RBFOX1: variants seen among roughly 807,000 people sequenced by gnomAD.
The protein encoded by RBFOX1 is RNA binding fox-1 homolog 1.
A neutral mutation model predicts 57.7 loss-of-function variants in RBFOX1; 8 were observed. The ratio of observed to expected loss-of-function variants is 0.14; its 90% CI spans 0.08 to 0.25. The LOEUF is 0.25. Ranked by LOEUF, RBFOX1 falls within the 10% of genes least tolerant of loss-of-function variation. RBFOX1 has a pLI of 1.00. For synonymous variants in RBFOX1, 326 were observed against 222.4 expected, an observed-to-expected ratio of 1.47 and a Z score of -4.15; for missense variants, 611 against 548.5, an observed-to-expected ratio of 1.11 and a Z score of -1.14.
At chr16:7,649,074 C>A (rs1339206358) in intron 11 of RBFOX1, among the ~76,000 whole-genome samples, 9 of 151,888 alleles carry the variant, frequency 5.9e-5, no homozygotes, top group Non-Finnish European at 1.5e-5. Context: ...GAATTCGGGG[C>A]CAGTCCACAG....
chr16:7,088,281 C>G (rs981871414), intron 4 of RBFOX1, among the ~76,000 whole-genome samples: 6 of 152,110 alleles, frequency 3.9e-5, no homozygotes, highest in Non-Finnish European at 5.9e-5. Context: ...CATTTAATTA[C>G]CAAGAATGAA....
At chr16:6,853,388 A>T (rs2094172485) in intron 3 of RBFOX1, among the ~76,000 whole-genome samples, 1 of 152,064 alleles carries the variant, frequency 6.6e-6, no homozygotes, top group Admixed American at 6.5e-5. Context: ...ATAACGTTGA[A>T]TTTTAGTTCG....
intron 2 of RBFOX1, among the ~76,000 whole-genome samples, chr16:5,574,779 A>G (rs905533685): frequency 6.6e-6 from 1 of 152,038 alleles, no homozygotes; most frequent in African/African-American, 2.4e-5. Context: ...TTCTCGGGAA[A>G]CCTGGGGGCT....
At chr16:6,589,836 G>A (rs1288972268) in intron 2 of RBFOX1, among the ~76,000 whole-genome samples, 1 of 152,188 alleles carries the variant, frequency 6.6e-6, no homozygotes, top group Non-Finnish European at 1.5e-5. Context: ...GAGGTAAGAA[G>A]CAAGATGGAG....
chr16:7,105,735 T>C (rs1035197999), intron 4 of RBFOX1, among the ~76,000 whole-genome samples: 5 of 151,774 alleles, frequency 3.3e-5, no homozygotes, highest in African/African-American at 1.2e-4. Flanking sequence ...TAGGTAGATA[T>C]ATAGATTCAG....
chr16:6,759,832 G>A (rs915000087), intron 3 of RBFOX1, among the ~76,000 whole-genome samples: 6 of 152,148 alleles, frequency 3.9e-5, no homozygotes, highest in African/African-American at 1.4e-4. Flanking sequence ...GTTTATAATA[G>A]CAAGACAGTG....
At chr16:5,791,665 CA>C (rs2054702217) in intron 3 of RBFOX1, among the ~76,000 whole-genome samples, 1 of 152,268 alleles carries the variant, frequency 6.6e-6, no homozygotes, top group African/African-American at 2.4e-5. Flanking sequence ...AATGCAAATT[CA>C]CATCTGGCTA....
intron 4 of RBFOX1, among the ~76,000 whole-genome samples, chr16:7,276,223 A>T (rs528696658): frequency 6.6e-6 from 1 of 152,252 alleles, no homozygotes; most frequent in African/African-American, 2.4e-5. Flanking sequence ...CCAGAGACTG[A>T]GCTATTTCTG....
intron 2 of RBFOX1, among the ~76,000 whole-genome samples, chr16:6,649,959 G>A (rs554518979): frequency 7.0e-4 from 106 of 152,258 alleles, no homozygotes; most frequent in Non-Finnish European, 1.2e-3. Context: ...TGTGAATTGT[G>A]CTGCTATAAA....
intron 4 of RBFOX1, among the ~76,000 whole-genome samples, chr16:7,414,905 C>T (rs750295974): frequency 7.2e-5 from 11 of 152,178 alleles, no homozygotes; most frequent in Non-Finnish European, 7.3e-5. Context: ...GGTGGTGAGC[C>T]ACGGCGCCCA....
At position 6,166,388 on chromosome 16, in the gene RBFOX1, C is replaced by T. The variant is rs889862979; in HGVS notation, c.-127+146396C>T. Among the ~76,000 whole-genome samples the T allele has an allele frequency of 2.8e-5, 4 of 141,496 alleles. No homozygotes were observed. The East Asian group carries it at 1.0e-3, about 35-fold the overall frequency. The allele number at this position is 141,496 out of a possible 152,430, so 92.8% of individuals were successfully genotyped here. A position where few individuals can be genotyped will look rare whatever the true frequency, so the allele number is the denominator to read the frequency against. On this transcript the variant is annotated intron_variant, in intron 1 of 15. Coordinates refer to ENST00000550418, the MANE Select transcript of RBFOX1 (RefSeq NM_018723.4). ...CATGGGCTCATCTAGCTTAAGGTGG[C>T]TGTATTCCTTGGGGCGGGGTTGGGG...
At chr16:6,879,735 G>T (rs1205201634) in intron 3 of RBFOX1, among the ~76,000 whole-genome samples, 1 of 152,082 alleles carries the variant, frequency 6.6e-6, no homozygotes, top group Non-Finnish European at 1.5e-5. Flanking sequence ...TCTACCTCTG[G>T]ATCCTACTTA....
intron 11 of RBFOX1, 78 bp from the exon 12 acceptor site, chr16:7,653,737 C>T: frequency 6.3e-7 from 1 of 1,586,636 alleles, no homozygotes; most frequent in South Asian, 1.1e-5. Flanking sequence ...GACAAGGGTT[C>T]CCGGGGCAGT....
At chr16:6,842,573 C>G (rs907063212) in intron 3 of RBFOX1, among the ~76,000 whole-genome samples, 1 of 151,498 alleles carries the variant, frequency 6.6e-6, no homozygotes. Flanking sequence ...CTGCAGTGTT[C>G]CATTGTATAG....
At chr16:7,659,326 G>C (rs1597469028) in intron 12 of RBFOX1, among the ~76,000 whole-genome samples, 1 of 152,174 alleles carries the variant, frequency 6.6e-6, no homozygotes, top group East Asian at 1.9e-4. Flanking sequence ...CAGTCTCTGG[G>C]ACTATGGGCA....
intron 3 of RBFOX1, among the ~76,000 whole-genome samples, chr16:6,682,315 C>A (rs1385923163): frequency 2.6e-5 from 4 of 152,148 alleles, no homozygotes; most frequent in East Asian, 3.9e-4. Context: ...GTCGATTTCC[C>A]AGCTGACCAC....
chr16:5,621,894 A>C (rs2048211447), intron 3 of RBFOX1, among the ~76,000 whole-genome samples: 1 of 152,174 alleles, frequency 6.6e-6, no homozygotes, highest in Admixed American at 6.5e-5. Flanking sequence ...TGATGTCCAT[A>C]CCAGGAAAAC....
intron 2 of RBFOX1, among the ~76,000 whole-genome samples, chr16:6,546,159 C>T (rs1016761286): frequency 3.3e-5 from 5 of 152,132 alleles, no homozygotes; most frequent in African/African-American, 1.2e-4. Context: ...ACCTGTGGGC[C>T]ATGGGTTGGA....
At chr16:5,568,841 C>A (rs11647176) in intron 2 of RBFOX1, among the ~76,000 whole-genome samples, 54,179 of 151,766 alleles carry the variant, frequency 0.36, 11,290 homozygotes, top group East Asian at 0.53. Flanking sequence ...GACATCGGTT[C>A]TTTTTGTTGT....
Sources: allele counts gnomAD v4.1 joint callset (sites outside exome capture counted in the v4.1 genomes callset), GRCh38; gene constraint gnomAD v4.1.1; transcripts MANE v1.5; gene names NCBI Gene and HGNC (gene_info 2026-07-23, HGNC 2026-07-21).